The following C1GALT1 variants were observed in gnomAD, a reference collection of about 807,000 sequenced individuals.
The protein encoded by C1GALT1 is core 1 synthase, glycoprotein-N-acetylgalactosamine 3-beta-galactosyltransferase 1.
A neutral mutation model predicts 31.0 loss-of-function variants in C1GALT1; 11 were observed. The ratio of observed to expected loss-of-function variants is 0.36; its 90% confidence interval spans 0.22 to 0.59. The LOEUF (loss-of-function observed/expected upper bound fraction) is 0.59. Ranked by LOEUF, C1GALT1 falls within the 20% of genes least tolerant of loss-of-function variation. The pLI is 0.79. For missense variants in C1GALT1, 424 were observed against 425.2 expected (o/e 1.00, Z 0.03); for synonymous variants, 175 against 143.6 (o/e 1.22, Z -1.56).
intron 2 of C1GALT1, among the ~76,000 whole-genome samples, chr7:7,174,806 A>C (rs1294179180): frequency 1.3e-5 from 2 of 151,656 alleles, no homozygotes; most frequent in East Asian, 3.9e-4. Context: ...CATAACTACT[A>C]TCTCTTTGTT....
intron 2 of C1GALT1, among the ~76,000 whole-genome samples, chr7:7,177,411 C>T (rs1045041771): frequency 2.0e-5 from 3 of 152,050 alleles, no homozygotes; most frequent in African/African-American, 7.2e-5. Flanking sequence ...CAATTTTGCT[C>T]TAGGATGAAC....
At chr7:7,204,097 G>GTTTTTTTTTTTTTTTTTTTTTT (rs74853892) in intron 1 of C1GALT1, among the ~76,000 whole-genome samples, 1 of 129,656 alleles carries the variant, frequency 7.7e-6, no homozygotes, top group Admixed American at 7.7e-5. Context: ...CTCCTCTTCT[G>GTTTTTTTTTTTTTTTTTTTTTT]TTTTTTTTTT....
At chr7:7,217,005 T>G (rs578001554) in intron 1 of C1GALT1, among the ~76,000 whole-genome samples, 23 of 152,214 alleles carry the variant, frequency 1.5e-4, no homozygotes, top group African/African-American at 5.3e-4. Context: ...GGTAAGAGAT[T>G]GTGGATAAAA....
intron 1 of C1GALT1, among the ~76,000 whole-genome samples, chr7:7,217,477 C>A (rs146504159): frequency 6.6e-6 from 1 of 152,256 alleles, no homozygotes; most frequent in African/African-American, 2.4e-5. Context: ...AGACTACAGG[C>A]ACATGCCACC....
intron 1 of C1GALT1, among the ~76,000 whole-genome samples, chr7:7,230,882 ATAATAC>A (rs1198616766): frequency 2.0e-5 from 3 of 151,998 alleles, no homozygotes; most frequent in African/African-American, 4.8e-5. Flanking sequence ...TTTAATGGTA[ATAATAC>A]TAATATCTTG....
At chr7:7,187,878 G>A (rs12671825) in intron 1 of C1GALT1, among the ~76,000 whole-genome samples, 41,638 of 152,004 alleles carry the variant, frequency 0.27, 6,212 homozygotes, top group East Asian at 0.42. Context: ...CAGGCTCTAG[G>A]TCATAGCCTT....
At chr7:7,166,776 G>A (rs1382486498) in intron 2 of C1GALT1, among the ~76,000 whole-genome samples, 3 of 152,186 alleles carry the variant, frequency 2.0e-5, no homozygotes, top group Admixed American at 2.0e-4. Context: ...GAGGGTTGGT[G>A]TAAACATTAA....
chr7:7,243,253 G>A (rs1235484669), intron 3 of C1GALT1, among the ~76,000 whole-genome samples: 1 of 152,068 alleles, frequency 6.6e-6, no homozygotes, highest in Non-Finnish European at 1.5e-5. Context: ...AATTTTATCC[G>A]CTAAAGAGTG....
At chr7:7,193,161 C>A (rs186488527) in intron 1 of C1GALT1, among the ~76,000 whole-genome samples, 2 of 152,030 alleles carry the variant, frequency 1.3e-5, no homozygotes, top group Admixed American at 6.6e-5. Flanking sequence ...TTAATTAAGT[C>A]CCATCTATTT....
In C1GALT1 at chr7:7,159,003, GT is replaced by G. The variant is rs1254339134; in HGVS notation, c.-18+1582del. 2.0e-5 allele frequency among the ~76,000 whole-genome samples: 3 copies of G among 152,256 alleles called. No homozygotes were observed. The South Asian group carries it at 6.2e-4, about 32-fold the overall frequency. ...CATAAACTATTAAGGGGTTCAGGGA[GT>G]TTTTGAATCTTCTGAAATTATATGC... On this transcript the variant is annotated intron_variant, in intron 2 of 3. Transcript: ENST00000429911.
At chr7:7,175,985 C>A (rs1393980119) in intron 2 of C1GALT1, among the ~76,000 whole-genome samples, 1 of 152,148 alleles carries the variant, frequency 6.6e-6, no homozygotes, top group Non-Finnish European at 1.5e-5. Flanking sequence ...GGTTGGGGGG[C>A]TTTCCAAACA....
intron 1 of C1GALT1, among the ~76,000 whole-genome samples, chr7:7,222,667 G>C (rs1782562692): frequency 6.6e-6 from 1 of 152,202 alleles, no homozygotes; most frequent in African/African-American, 2.4e-5. Context: ...TTTGATTACA[G>C]ACTGTGGGTT....
At chr7:7,167,544 C>A (rs1780411252) in intron 2 of C1GALT1, among the ~76,000 whole-genome samples, 1 of 151,986 alleles carries the variant, frequency 6.6e-6, no homozygotes, top group Non-Finnish European at 1.5e-5. Context: ...TATGTCCAAT[C>A]AAGATGCCAT....
intron 2 of C1GALT1, among the ~76,000 whole-genome samples, chr7:7,158,921 T>C (rs1012635336): frequency 6.6e-6 from 1 of 152,162 alleles, no homozygotes; most frequent in African/African-American, 2.4e-5. Context: ...TCTCAAACTG[T>C]GTGACATTTG....
At chr7:7,182,511 T>G (rs1458623301), upstream of C1GALT1, 1 of 152,100 alleles carries the variant, frequency 6.6e-6, no homozygotes, top group African/African-American at 2.4e-5. Flanking sequence ...CGCCCTTCCC[T>G]GGGGCTGGTG....
At chr7:7,206,766 T>G (rs190806341) in intron 1 of C1GALT1, among the ~76,000 whole-genome samples, 1 of 151,756 alleles carries the variant, frequency 6.6e-6, no homozygotes, top group African/African-American at 2.4e-5. Flanking sequence ...TTTTTTTTTT[T>G]GTTTTATTAT....
chr7:7,237,376 C>T (rs182130933), intron 2 of C1GALT1, among the ~76,000 whole-genome samples: 7 of 152,300 alleles, frequency 4.6e-5, no homozygotes, highest in South Asian at 2.1e-4. Context: ...ATCAGTTTTA[C>T]GCTCACTGCT....
At chr7:7,167,788 T>C (rs1467419710) in intron 2 of C1GALT1, among the ~76,000 whole-genome samples, 4 of 152,112 alleles carry the variant, frequency 2.6e-5, no homozygotes, top group Non-Finnish European at 5.9e-5. Context: ...GAGACTGTTG[T>C]TTCTCCTCTT....
Position 7,243,050 on chromosome 7 carries a change from T to C in C1GALT1, c.889-474T>C, listed in dbSNP as rs141037378. Reference sequence around the variant, plus strand: ...ATACTGTACTGTTTGGGTTGATACATATATAGATGAAGTGTATTGGGTTGT... The same window carrying C: ...ATACTGTACTGTTTGGGTTGATACACATATAGATGAAGTGTATTGGGTTGT... On this transcript the variant is annotated intron_variant, in intron 3 of 3. Transcript: ENST00000436587. Among the ~76,000 whole-genome samples, 442 of 152,206 alleles carry C rather than the reference T, an allele frequency of 2.9e-3. 2 individuals are homozygous for C. Among genetic ancestry groups the C allele is most frequent in the African/African-American group, 0.01 (428 of 41,568 alleles).
Sources: allele counts gnomAD v4.1 joint callset (sites outside exome capture counted in the v4.1 genomes callset), GRCh38; gene constraint gnomAD v4.1.1; transcripts MANE v1.5; gene names NCBI Gene and HGNC (gene_info 2026-07-23, HGNC 2026-07-21).